The following UIMC1 variants were observed in gnomAD, a reference collection of about 807,000 sequenced individuals.
UIMC1 encodes BRCA1-A complex subunit RAP80.
UIMC1 carries 42 observed loss-of-function variants against 84.9 expected under a neutral mutation model. That is an observed-to-expected ratio of 0.49 (90% confidence interval 0.39 to 0.64). The LOEUF (loss-of-function observed/expected upper bound fraction) is 0.64, where lower values mean the gene tolerates loss of function less well. UIMC1 is among the 30% of genes least tolerant of loss of function. The pLI is 0.00. For synonymous variants in UIMC1, 281 were observed against 293.0 expected (o/e 0.96, Z 0.42); for missense variants, 825 against 847.6 (o/e 0.97, Z 0.33).
At chr5:177,001,951 CAA>C (rs34048093) in intron 1 of UIMC1, 7 of 62,552 alleles carry the variant, frequency 1.1e-4, no homozygotes, top group Middle Eastern at 9.1e-3. Context: ...CTCTGTTTCC[CAA>C]AAAAAAAAAA....
At chr5:176,960,920 C>T (rs2149470533) in intron 6 of UIMC1, among the ~76,000 whole-genome samples, 1 of 54,908 alleles carries the variant, frequency 1.8e-5, no homozygotes, top group African/African-American at 1.5e-4. Context: ...GACGGAGTCT[C>T]GTTCACTCAG....
intron 12 of UIMC1, chr5:176,907,381 T>A: frequency 3.9e-6 from 2 of 508,670 alleles, no homozygotes; most frequent in Non-Finnish European, 7.1e-6. Flanking sequence ...ATGCCCAGAG[T>A]ATCATGGATT....
intron 10 of UIMC1, among the ~76,000 whole-genome samples, chr5:176,927,851 CTTT>C (rs754815729): frequency 3.7e-5 from 5 of 136,582 alleles, no homozygotes; most frequent in Non-Finnish European, 6.4e-5. Flanking sequence ...GGCCAGCCAG[CTTT>C]TTTTTTTTTT....
intron 3 of UIMC1, among the ~76,000 whole-genome samples, chr5:176,974,009 C>T (rs889626125): frequency 1.3e-5 from 2 of 152,118 alleles, no homozygotes; most frequent in Non-Finnish European, 2.9e-5. Flanking sequence ...TACAGTGCTG[C>T]AGTCACACCA....
chr5:176,942,125 C>A (rs1006119141), intron 10 of UIMC1, among the ~76,000 whole-genome samples: 3 of 152,194 alleles, frequency 2.0e-5, no homozygotes, highest in Non-Finnish European at 4.4e-5. Context: ...CAGGCATGAA[C>A]CACCGCGCCC....
At chr5:176,928,629 G>A (rs1170754416) in intron 10 of UIMC1, among the ~76,000 whole-genome samples, 1 of 152,188 alleles carries the variant, frequency 6.6e-6, no homozygotes, top group African/African-American at 2.4e-5. Flanking sequence ...GACTCAACGA[G>A]AGTTGAACAA....
chr5:177,014,670 C>T (rs1022335809), intron 1 of UIMC1, among the ~76,000 whole-genome samples: 1 of 151,880 alleles, frequency 6.6e-6, no homozygotes, highest in African/African-American at 2.4e-5. Flanking sequence ...TTCACTCCAG[C>T]CTGGGTGAAA....
At chr5:176,940,224 C>T (rs1446564112) in intron 10 of UIMC1, among the ~76,000 whole-genome samples, 1 of 152,130 alleles carries the variant, frequency 6.6e-6, no homozygotes, top group Non-Finnish European at 1.5e-5. Flanking sequence ...TAAGGAAGAC[C>T]GGCTTAACAG....
chr5:176,963,630 TTG>T (rs1440366034), intron 6 of UIMC1, among the ~76,000 whole-genome samples: 1 of 152,130 alleles, frequency 6.6e-6, no homozygotes, highest in Non-Finnish European at 1.5e-5. Flanking sequence ...CACAGACTAG[TTG>T]AACCATCCCT....
At chr5:176,932,389 T>C (rs1471214968) in intron 10 of UIMC1, among the ~76,000 whole-genome samples, 1 of 152,212 alleles carries the variant, frequency 6.6e-6, no homozygotes, top group Non-Finnish European at 1.5e-5. Flanking sequence ...TTGTATTATT[T>C]GTGAAAGTTA....
chr5:176,954,591 T>C (rs1366477878), intron 8 of UIMC1, among the ~76,000 whole-genome samples: 1 of 151,544 alleles, frequency 6.6e-6, no homozygotes, highest in Non-Finnish European at 1.5e-5. Context: ...ATAATAATAA[T>C]AATTTTTAAA....
chr5:177,011,972 T>C (rs1775558253), intron 1 of UIMC1, among the ~76,000 whole-genome samples: 1 of 152,016 alleles, frequency 6.6e-6, no homozygotes, highest in African/African-American at 2.4e-5. Context: ...AGCTAATTTT[T>C]TGTATTTTTA....
chr5:176,997,883 T>C (rs1474718223), intron 1 of UIMC1, among the ~76,000 whole-genome samples: 1 of 152,116 alleles, frequency 6.6e-6, no homozygotes, highest in African/African-American at 2.4e-5. Context: ...TACTTGCTTC[T>C]TATGAATGGA....
chr5:176,990,316 G>A (rs1353076179), intron 1 of UIMC1, among the ~76,000 whole-genome samples: 2 of 152,066 alleles, frequency 1.3e-5, no homozygotes, highest in Non-Finnish European at 2.9e-5. Context: ...CTTCTGCCAT[G>A]TGAAGACACA....
Position 176,982,595 on chromosome 5 carries a change from T to C in UIMC1, c.21A>G (p.Lys7=), listed in dbSNP as rs1390963496. The change falls in exon 2 of 15, where the codon AAA becomes AAG. Residue 7 remains lysine (K), a synonymous_variant. Transcript: ENST00000511320. ...TCCGAGATTCGGAGACTTCTTTAAC[T>C]TTTTTCTTTCTCCGTGGCATCCTTT... The part of the protein sequence containing the change: MPRRKK[K]VKEVSESRNL... 1.9e-6 allele frequency: 3 copies of C among 1,613,806 alleles called. No homozygotes were observed. Among genetic ancestry groups the C allele is most frequent in the South Asian group, 1.1e-5 (1 of 91,030 alleles).
intron 10 of UIMC1, among the ~76,000 whole-genome samples, chr5:176,913,664 C>T (rs984954249): frequency 2.6e-5 from 4 of 152,198 alleles, no homozygotes; most frequent in African/African-American, 9.7e-5. Flanking sequence ...CATCCCCTAC[C>T]CTCCCAAATT....
At chr5:176,978,720 A>G (rs947014713) in intron 2 of UIMC1, among the ~76,000 whole-genome samples, 2 of 152,180 alleles carry the variant, frequency 1.3e-5, no homozygotes, top group Non-Finnish European at 2.9e-5. Flanking sequence ...ACATTAGAAA[A>G]TACTAATCCC....
In UIMC1 at chr5:176,929,990, G is replaced by A. The variant is rs150970305; in HGVS notation, c.1597+13345C>T. 6.5e-3 allele frequency among the ~76,000 whole-genome samples: 993 copies of A among 152,296 alleles called. 8 individuals carry two copies. Among genetic ancestry groups the A allele is most frequent in the African/African-American group, 0.023 (941 of 41,546 alleles). On this transcript the variant is annotated intron_variant, in intron 10 of 14. Coordinates refer to ENST00000511320, the MANE Select transcript of UIMC1 (RefSeq NM_001199298.2). Reference sequence around the variant, plus strand: ...GACTGAATTTGTCTGAACTTCACTAGTAAATGTTTACCAAGGTTCTTCTGA... The same window carrying A: ...GACTGAATTTGTCTGAACTTCACTAATAAATGTTTACCAAGGTTCTTCTGA...
At chr5:176,980,944 T>G (rs1770939379) in intron 2 of UIMC1, among the ~76,000 whole-genome samples, 1 of 152,004 alleles carries the variant, frequency 6.6e-6, no homozygotes, top group Non-Finnish European at 1.5e-5. Flanking sequence ...TCTTACTATG[T>G]TGGTCAGGCT....
Sources: gnomAD v4.1 joint callset for allele counts (sites outside exome capture counted in the v4.1 genomes callset) on GRCh38, gnomAD v4.1.1 for gene constraint, MANE v1.5 for transcripts, NCBI Gene and HGNC (gene_info 2026-07-23, HGNC 2026-07-21) for gene names.